The following FOXP1 variants were observed in gnomAD, a reference collection of about 807,000 sequenced individuals.
The protein encoded by FOXP1 is forkhead box protein P1.
A neutral mutation model predicts 98.2 loss-of-function variants in FOXP1; 15 were observed. The ratio of observed to expected loss-of-function variants is 0.15; its 90% CI spans 0.10 to 0.24. The LOEUF (loss-of-function observed/expected upper bound fraction) is 0.24, where lower values mean the gene tolerates loss of function less well. Among genes scored for constraint, FOXP1 ranks in the 10% least tolerant of loss-of-function variants. The pLI is 1.00. For synonymous variants in FOXP1, 371 were observed against 314.5 expected (o/e 1.18, Z -1.90); for missense variants, 633 against 848.5 (o/e 0.75, Z 3.15).
chr3:71,034,045 T>TC (rs2047242507), intron 11 of FOXP1, among the ~76,000 whole-genome samples: 1 of 152,056 alleles, frequency 6.6e-6, no homozygotes, highest in Non-Finnish European at 1.5e-5. Context: ...CTCTTTCCGG[T>TC]CCCCTACACC....
At chr3:71,072,220 G>A (rs1559871674) in intron 7 of FOXP1, among the ~76,000 whole-genome samples, 1 of 152,182 alleles carries the variant, frequency 6.6e-6, no homozygotes. Flanking sequence ...TCCAGAGGCT[G>A]AGGCAGGAGG....
At chr3:71,186,442 G>T (rs932526748) in intron 6 of FOXP1, among the ~76,000 whole-genome samples, 1 of 152,246 alleles carries the variant, frequency 6.6e-6, no homozygotes, top group African/African-American at 2.4e-5. Flanking sequence ...GCCAGGTGCG[G>T]TGGCTCACGC....
rs561330975 is a variant in FOXP1, at chr3:71,193,172, G to T, written c.180+5030C>A. Reference sequence around the variant, plus strand: ...TTATTTGTGTTTTTTTTTTGAGACGGAGTCTTGCTCTGTTGCCCAGGCTGG... The same window carrying T: ...TTATTTGTGTTTTTTTTTTGAGACGTAGTCTTGCTCTGTTGCCCAGGCTGG... On this transcript the variant is annotated intron_variant, in intron 6 of 20. Transcript: ENST00000649528. 2.5e-3 allele frequency among the ~76,000 whole-genome samples: 367 copies of T among 146,964 alleles called. 2 individuals carry two copies. Among genetic ancestry groups the T allele is most frequent in the African/African-American group, 8.4e-3 (321 of 38,104 alleles).
At chr3:71,451,951 A>G (rs1249558247) in intron 3 of FOXP1, among the ~76,000 whole-genome samples, 2 of 152,174 alleles carry the variant, frequency 1.3e-5, no homozygotes, top group African/African-American at 4.8e-5. Flanking sequence ...TACAGGTAAA[A>G]CAATAACTTC....
At chr3:71,390,688 A>G (rs1235795010) in intron 3 of FOXP1, among the ~76,000 whole-genome samples, 1 of 152,246 alleles carries the variant, frequency 6.6e-6, no homozygotes, top group Non-Finnish European at 1.5e-5. Context: ...TCCAGTTTCA[A>G]GTAAACAAAG....
intron 5 of FOXP1, chr3:71,244,809 A>T (rs1320699658): frequency 6.6e-6 from 1 of 152,130 alleles, no homozygotes; most frequent in Non-Finnish European, 1.5e-5. Flanking sequence ...ACTGATGAGC[A>T]TTAGTTTGAG....
intron 5 of FOXP1, among the ~76,000 whole-genome samples, chr3:71,204,239 A>G (rs988573768): frequency 9.2e-5 from 14 of 152,314 alleles, no homozygotes; most frequent in Non-Finnish European, 1.6e-4. Flanking sequence ...CTATATTATG[A>G]TATAAAGCAT....
At chr3:71,037,720 A>G (rs2106799679) in intron 11 of FOXP1, among the ~76,000 whole-genome samples, 1 of 152,330 alleles carries the variant, frequency 6.6e-6, no homozygotes, top group South Asian at 2.1e-4. Flanking sequence ...AGCACGAAGC[A>G]TGGTGCCAGT....
At chr3:71,055,714 T>C (rs1447668126) in intron 7 of FOXP1, among the ~76,000 whole-genome samples, 2 of 152,202 alleles carry the variant, frequency 1.3e-5, no homozygotes, top group Non-Finnish European at 2.9e-5. Context: ...TCGGTATCCT[T>C]TGAGCTGCTA....
intron 3 of FOXP1, among the ~76,000 whole-genome samples, chr3:71,442,678 T>C (rs897079478): frequency 1.3e-5 from 2 of 152,218 alleles, no homozygotes; most frequent in East Asian, 1.9e-4. Flanking sequence ...TTTTGTTTTT[T>C]TGACAACAAT....
At chr3:71,015,394 A>G (rs1013176186) in intron 12 of FOXP1, among the ~76,000 whole-genome samples, 155 bp downstream of exon 12, 16 of 152,122 alleles carry the variant, frequency 1.1e-4, no homozygotes, top group African/African-American at 3.6e-4. Context: ...TTTTGTAACT[A>G]TTCCTATGAC....
At chr3:71,051,804 G>C (rs965292770) in intron 9 of FOXP1, among the ~76,000 whole-genome samples, 1 of 152,164 alleles carries the variant, frequency 6.6e-6, no homozygotes, top group East Asian at 1.9e-4. Flanking sequence ...AGGTGAACTG[G>C]TAACTCCCTG....
intron 7 of FOXP1, among the ~76,000 whole-genome samples, chr3:71,087,264 T>C (rs1336151062): frequency 2.0e-5 from 3 of 152,158 alleles, no homozygotes; most frequent in Admixed American, 6.5e-5. Context: ...CTTTGTTGGG[T>C]GGGTCAGAGA....
intron 5 of FOXP1, among the ~76,000 whole-genome samples, chr3:71,267,124 A>AGAGTGTGTGTGT (rs142661368): frequency 0.18 from 26,388 of 148,106 alleles, 2,712 homozygotes; most frequent in Middle Eastern, 0.31. Flanking sequence ...TATGGGAGAG[A>AGAGTGTGTGTGT]GTGTGTGTGT....
intron 3 of FOXP1, among the ~76,000 whole-genome samples, chr3:71,461,677 T>G (rs2088130281): frequency 6.6e-6 from 1 of 151,708 alleles, no homozygotes; most frequent in Non-Finnish European, 1.5e-5. Flanking sequence ...GACAGGCGCC[T>G]GTAATCCCAG....
chr3:71,229,552 C>G (rs2066115909), intron 5 of FOXP1, among the ~76,000 whole-genome samples: 1 of 152,022 alleles, frequency 6.6e-6, no homozygotes, highest in Non-Finnish European at 1.5e-5. Flanking sequence ...AGAGTCATTA[C>G]TGCTTAAGTA....
At chr3:71,352,658 T>C (rs2107850479) in intron 4 of FOXP1, among the ~76,000 whole-genome samples, 1 of 152,200 alleles carries the variant, frequency 6.6e-6, no homozygotes, top group Non-Finnish European at 1.5e-5. Flanking sequence ...TATGAGTTAA[T>C]AAATATCAAA....
At chr3:71,200,803 C>T (rs2063625085) in intron 5 of FOXP1, among the ~76,000 whole-genome samples, 1 of 152,208 alleles carries the variant, frequency 6.6e-6, no homozygotes, top group South Asian at 2.1e-4. Flanking sequence ...CTTTAGAGGA[C>T]ATTGTTTTCT....
At chr3:71,025,826 TCA>T (rs1326787508) in intron 11 of FOXP1, among the ~76,000 whole-genome samples, 2 of 152,200 alleles carry the variant, frequency 1.3e-5, no homozygotes, top group East Asian at 1.9e-4. Context: ...TTTGAAAACT[TCA>T]CAGTCCCCAA....
Sources: allele counts gnomAD v4.1 joint callset (sites outside exome capture counted in the v4.1 genomes callset), GRCh38; gene constraint gnomAD v4.1.1; transcripts MANE v1.5; gene names NCBI Gene and HGNC (gene_info 2026-07-23, HGNC 2026-07-21).